Variants in LDB3 observed in about 807,000 individuals in gnomAD.
The protein encoded by LDB3 is LIM domain binding 3.
A neutral mutation model predicts 69.0 loss-of-function variants in LDB3; 49 were observed. The observed-to-expected ratio is 0.71, with a 90% confidence interval of 0.56 to 0.90. LDB3 has a LOEUF of 0.90. Among genes scored for constraint, LDB3 ranks in the 40% least tolerant of loss-of-function variants. The pLI, the probability that LDB3 is intolerant of heterozygous loss-of-function variation, is 0.00. For synonymous variants in LDB3, 387 were observed against 396.2 expected (o/e 0.98, Z 0.28); for missense variants, 928 against 974.1 (o/e 0.95, Z 0.63).
At chr10:86,668,962 G>A (rs998679571) in intron 2 of LDB3, among the ~76,000 whole-genome samples, 178 bp downstream of exon 2, 22 of 152,336 alleles carry the variant, frequency 1.4e-4, no homozygotes, top group African/African-American at 4.6e-4. Flanking sequence ...ACTGGAGCGC[G>A]CCGGCCTGTT....
rs1276121533 is a variant in LDB3, at chr10:86,706,676, G to GCCTCCA, written c.1045_1050dup (p.Ser349_Thr350dup). On this transcript the variant is annotated inframe_insertion, in exon 8 of 14. Coordinates refer to ENST00000361373, the MANE Select transcript of LDB3 (RefSeq NM_007078.3). ...TGCTGCCCACACTGCCATCGCCTCC[G>GCCTCCA]CCTCCACCACAGCCCCTGCTTCAAG... 3 of 1,612,710 alleles carry GCCTCCA rather than the reference G, an allele frequency of 1.9e-6. No homozygotes were observed. The highest frequency in any genetic ancestry group is 2.7e-5 in the African/African-American group (2 of 74,902).
At chr10:86,711,328 C>G (rs886234889) in intron 9 of LDB3, among the ~76,000 whole-genome samples, 2 of 152,058 alleles carry the variant, frequency 1.3e-5, no homozygotes, top group African/African-American at 4.8e-5. Context: ...TCCTCCTTCC[C>G]GGGCTGGGGC....
Position 86,704,341 on chromosome 10 carries a change from T to G in LDB3, c.897-2190T>G, listed in dbSNP as rs184781675. On this transcript the variant is annotated intron_variant, in intron 7 of 13. Coordinates refer to ENST00000361373, the MANE Select transcript of LDB3 (RefSeq NM_007078.3). ...ACACAATCTTTCTGGACCTCAGATT[T>G]CTCATCTACAAAATGAGGGTCACAA... 1.9e-4 allele frequency among the ~76,000 whole-genome samples: 29 copies of G among 152,254 alleles called. No individual in the cohort carries two copies. The East Asian group carries it at 5.4e-3, about 28-fold the overall frequency.
chr10:86,670,986 G>A (rs528459105), intron 2 of LDB3, among the ~76,000 whole-genome samples: 30 of 152,318 alleles, frequency 2.0e-4, no homozygotes, highest in Non-Finnish European at 3.5e-4. Context: ...GCCGGGGCTC[G>A]CAGGGCCCTT....
At position 86,703,780 on chromosome 10, in the gene LDB3, C is replaced by A. The variant is rs971731661; in HGVS notation, c.897-2751C>A. On this transcript the variant is annotated intron_variant, in intron 7 of 13. Transcript: ENST00000361373. The stretch of plus-strand genomic sequence containing the variant: ...AGCTACTCCAAGTGTGGCCTGTATA[C>A]AGACCAGCAGCATCAGCATCACCTG... 6.6e-5 allele frequency among the ~76,000 whole-genome samples: 10 copies of A among 152,292 alleles called. No homozygotes were observed. In the East Asian group the frequency reaches 1.9e-3, roughly 29 times the overall value.
intron 4 of LDB3, among the ~76,000 whole-genome samples, 166 bp from the exon 5 acceptor site, chr10:86,681,270 C>T (rs770284314): frequency 5.2e-5 from 8 of 152,398 alleles, no homozygotes; most frequent in Non-Finnish European, 8.8e-5. Flanking sequence ...CCTGCCTGCT[C>T]CTCCACCAGT....
At chr10:86,684,228 C>T (rs1845327493) in intron 5 of LDB3, among the ~76,000 whole-genome samples, 1 of 152,258 alleles carries the variant, frequency 6.6e-6, no homozygotes, top group Admixed American at 6.5e-5. Flanking sequence ...TGCAAGGGCC[C>T]CTGGGCAGGT....
At chr10:86,693,886 TA>T (rs986544002) in intron 7 of LDB3, among the ~76,000 whole-genome samples, 1 of 152,170 alleles carries the variant, frequency 6.6e-6, no homozygotes, top group Non-Finnish European at 1.5e-5. Flanking sequence ...AAACATTTGA[TA>T]AAAAAGTCTT....
intron 9 of LDB3, among the ~76,000 whole-genome samples, chr10:86,711,358 C>G (rs1023256353): frequency 1.7e-4 from 26 of 152,102 alleles, no homozygotes; most frequent in Middle Eastern, 6.8e-3. Context: ...CGAGACGGGC[C>G]GGAGCCGCGG....
At position 86,699,547 on chromosome 10, in the gene LDB3, C is replaced by A. The variant is rs1846166246; in HGVS notation, c.896+6976C>A. ...TCCTCTGCCCACCCCAGAGCTGATG[C>A]TGGGGCCCAGCCCCCTGCAGCTCTG... is the stretch of plus-strand genomic sequence containing the variant. On this transcript the variant is annotated intron_variant, in intron 7 of 13. Transcript: ENST00000361373. The surrounding 1 kb of genome is among the most constrained non-coding windows in gnomAD (Gnocchi z 4.9). 3 of 1,477,706 alleles carry A rather than the reference C, an allele frequency of 2.0e-6. No homozygotes were observed. Among genetic ancestry groups the A allele is most frequent in the Non-Finnish European group, 2.7e-6 (3 of 1,115,410 alleles). The allele number at this position is 1,477,706 out of a possible 1,614,324, so 91.5% of individuals were successfully genotyped here.
At chr10:86,692,129 G>T in intron 6 of LDB3, 64 bp downstream of exon 6, 1 of 1,582,720 alleles carries the variant, frequency 6.3e-7, no homozygotes. Context: ...CAGGGACCTG[G>T]GCCCAGCACT....
intron 2 of LDB3, among the ~76,000 whole-genome samples, chr10:86,671,129 G>A (rs1366429097): frequency 6.6e-6 from 1 of 152,168 alleles, no homozygotes; most frequent in Non-Finnish European, 1.5e-5. Flanking sequence ...CTGTGGGGTG[G>A]GCAGGCAGGC....
intron 9 of LDB3, among the ~76,000 whole-genome samples, chr10:86,714,619 G>A (rs1344121736): frequency 6.9e-6 from 1 of 145,842 alleles, no homozygotes; most frequent in Non-Finnish European, 1.5e-5. Context: ...GCAGTGGTAC[G>A]ATCTCGGGTC....
At chr10:86,697,526 C>CT (rs58053328) in intron 7 of LDB3, among the ~76,000 whole-genome samples, 2 of 134,440 alleles carry the variant, frequency 1.5e-5, no homozygotes, top group African/African-American at 2.7e-5. Flanking sequence ...CGGCCAACTT[C>CT]TTTTTTTTCT....
chr10:86,666,799 A>C (rs368993960), upstream of LDB3: 22 of 470,848 alleles, frequency 4.7e-5, 1 homozygote, highest in Middle Eastern at 6.5e-4. Flanking sequence ...CCCAGAGGCG[A>C]GCTTCATCAG....
intron 5 of LDB3, chr10:86,685,542 T>A: frequency 1.2e-6 from 1 of 841,174 alleles, no homozygotes; most frequent in Non-Finnish European, 2.1e-6. Context: ...CCTCACTCCT[T>A]GCTCTCCTCA....
chr10:86,692,535 T>C lies in LDB3; in HGVS notation c.860T>C (p.Met287Thr), dbSNP rs1845815671. The change falls in exon 7 of 14, where the codon ATG becomes ACG. Residue 287 changes from methionine to threonine, a missense_variant and splice_region_variant. Physicochemically the swap from Met to Thr is moderately conservative, Grantham distance 81. Transcript: ENST00000361373. ...ILAQMTGTEFMQDPDEEALRR... is the reference protein window; with the variant it reads ...ILAQMTGTEFTQDPDEEALRR... ...CTGACCAGCTCCTTTCTACCAACAG[T>C]GCAAGACCCTGATGAAGAAGCTCTG... The C allele has an allele frequency of 6.2e-7, 1 of 1,614,052 alleles. No individual in the cohort carries two copies. The highest frequency in any genetic ancestry group is 8.5e-7 in the Non-Finnish European group (1 of 1,180,002).
At chr10:86,728,502 G>C (rs1847338321) in intron 13 of LDB3, among the ~76,000 whole-genome samples, 1 of 151,970 alleles carries the variant, frequency 6.6e-6, no homozygotes, top group Admixed American at 6.6e-5. Context: ...GATCAACATG[G>C]AGATCGTTAG....
At position 86,733,754 on chromosome 10, in the gene LDB3, G is replaced by A. The variant is rs1425261675; in HGVS notation, c.*778G>A. The stretch of plus-strand genomic sequence containing the variant: ...TGAATTGTGATGGGAAAGTAGAGTT[G>A]GGTTTTTCCAGTTTTGCTCTGTGGT... On this transcript the variant is annotated 3_prime_UTR_variant, in exon 14 of 14. Transcript: ENST00000361373. 6.6e-6 allele frequency: 1 copy of A among 152,226 alleles called. No individual in the cohort carries two copies. Among genetic ancestry groups the A allele is most frequent in the African/African-American group, 2.4e-5 (1 of 41,442 alleles). The allele number at this position is 152,226 out of a possible 1,614,324, so 9.4% of individuals were successfully genotyped here. A position where few individuals can be genotyped will look rare whatever the true frequency, so the allele number is the denominator to read the frequency against.
Sources: allele counts gnomAD v4.1 joint callset (sites outside exome capture counted in the v4.1 genomes callset), GRCh38; gene constraint gnomAD v4.1.1; non-coding constraint Gnocchi (gnomAD v3.1); transcripts MANE v1.5; gene names NCBI Gene and HGNC (gene_info 2026-07-23, HGNC 2026-07-21).